Variants in TRARG1 observed in about 807,000 individuals in gnomAD.
The protein encoded by TRARG1 is trafficking regulator of GLUT4 1.
Under a neutral mutation model 13.3 loss-of-function variants are expected in TRARG1, and 16 were observed. That is an observed-to-expected ratio of 1.20 (90% CI 0.81 to 1.83). The LOEUF is 1.83. Ranked by LOEUF, TRARG1 falls within the 40% of genes most tolerant of loss-of-function variation. The pLI is 0.00. For missense variants in TRARG1, 250 were observed against 237.4 expected, an observed-to-expected ratio of 1.05 and a Z score of -0.35; for synonymous variants, 113 against 106.2, an observed-to-expected ratio of 1.06 and a Z score of -0.39.
chr17:1,280,247 C>T lies in TRARG1; in HGVS notation c.246C>T (p.Ser82=). Residue 82 remains serine, a synonymous_variant, in exon 1 of 3, where the codon AGC becomes AGT. Coordinates refer to ENST00000333813, the MANE Select transcript of TRARG1 (RefSeq NM_172367.3). ...APLPRSPSRA[S]SRRASSIATT... is the part of the protein sequence containing the mutation. ...TGCCTCGGTCCCCCTCCCGGGCCAG[C>T]TCAAGGAGGGCGTCCTCCATCGCCA... is the stretch of plus-strand genomic sequence containing the variant. The T allele has an allele frequency of 1.2e-6, 2 of 1,614,090 alleles. No homozygotes were observed. The highest frequency in any genetic ancestry group is 1.7e-6 in the Non-Finnish European group (2 of 1,179,990).
Position 1,279,869 on chromosome 17 carries a change from C to A in TRARG1, c.-133C>A. The A allele has an allele frequency of 9.4e-7, 1 of 1,063,014 alleles. No individual in the cohort carries two copies. The highest frequency in any genetic ancestry group is 2.6e-5 in the East Asian group (1 of 38,462). The allele number at this position is 1,063,014 out of a possible 1,614,324, so 65.8% of individuals were successfully genotyped here. On this transcript the variant is annotated 5_prime_UTR_variant, in exon 1 of 3. Coordinates refer to ENST00000333813, the MANE Select transcript of TRARG1 (RefSeq NM_172367.3). ...CCAACCCTTCCAGCACCCAGCCGGC[C>A]CTCCGTCTCCTGAGGGACGCCCCTG...
rs537608875 is a variant in TRARG1, at chr17:1,279,935, G to A, written c.-67G>A. 7.9e-5 allele frequency: 120 copies of A among 1,525,556 alleles called. No individual in the cohort carries two copies. The South Asian group carries it at 1.2e-3, about 16-fold the overall frequency. 94.5% of individuals were successfully genotyped at this position (1,525,556 alleles called of 1,614,324 possible). The stretch of plus-strand genomic sequence containing the variant: ...CCCTCAGTCTGGGCTGGGGAATGGC[G>A]CGCTGAGGTCCCTCCAGAGCCCCTT... On this transcript the variant is annotated 5_prime_UTR_variant, in exon 1 of 3. Coordinates refer to ENST00000333813, the MANE Select transcript of TRARG1 (RefSeq NM_172367.3).
At chr17:1,288,728 T>C (rs866576516) in intron 1 of TRARG1, among the ~76,000 whole-genome samples, 8 of 18,802 alleles carry the variant, frequency 4.3e-4, no homozygotes, top group African/African-American at 1.0e-3. Context: ...CCCCCACGGG[T>C]TCCCCATCCC....
At chr17:1,295,673 G>T in intron 2 of TRARG1, 50 bp downstream of exon 2, 1 of 1,579,252 alleles carries the variant, frequency 6.3e-7, no homozygotes, top group South Asian at 1.2e-5. Context: ...CTGGTGTGAG[G>T]ACTGCTCAAG....
At chr17:1,281,060 G>T (rs2071969428) in intron 1 of TRARG1, among the ~76,000 whole-genome samples, 1 of 152,224 alleles carries the variant, frequency 6.6e-6, no homozygotes, top group South Asian at 2.1e-4. Context: ...AGTGAAAAAT[G>T]TGAGAGTCAG....
rs564352759 is a variant in TRARG1 at position 1,283,563 on chromosome 17, T to C, written c.387+3175T>C. Among the ~76,000 whole-genome samples the C allele has an allele frequency of 2.6e-5, 4 of 152,174 alleles. No homozygotes were observed. The South Asian group carries it at 8.3e-4, about 32-fold the overall frequency. ...GGCTCATGCCTGTAATCCCAGCACT[T>C]TGGGAGGCCGAGGCGGGTGGATCTC... On this transcript the variant is annotated intron_variant, in intron 1 of 2. Transcript: ENST00000333813.
Position 1,282,074 on chromosome 17 carries a change from A to ATACACATATATACACATATG in TRARG1, c.387+1690_387+1691insCATATATACACATATGTACA, listed in dbSNP as rs1444529368. On this transcript the variant is annotated intron_variant, in intron 1 of 2. Coordinates refer to ENST00000333813, the MANE Select transcript of TRARG1 (RefSeq NM_172367.3). The stretch of plus-strand genomic sequence containing the variant: ...CACATATGTACATGTATACACATAT[A>ATACACATATATACACATATG]TACATATATGTACATATATACGTAT... 2.1e-4 allele frequency among the ~76,000 whole-genome samples: 31 copies of ATACACATATATACACATATG among 147,344 alleles called. No individual in the cohort carries two copies. The East Asian group carries it at 4.1e-3, about 20-fold the overall frequency.
Position 1,280,214 on chromosome 17 carries a change from G to T in TRARG1, c.213G>T (p.Glu71Asp), listed in dbSNP as rs2071962466. ...PFKAISEGHL[E>D]APLPRSPSRA... is the part of the protein sequence containing the mutation. ...AGGCCATCTCCGAGGGGCACCTGGAGGCCCCACTGCCTCGGTCCCCCTCCC... is the reference window on the plus strand; with the variant it reads ...AGGCCATCTCCGAGGGGCACCTGGATGCCCCACTGCCTCGGTCCCCCTCCC... The change falls in exon 1 of 3, where the codon GAG becomes GAT. Residue 71 changes from glutamate (E) to aspartate (D), a missense_variant. By Grantham distance (45) the Glu-to-Asp change is conservative. Transcript: ENST00000333813. 6.2e-7 allele frequency: 1 copy of T among 1,614,074 alleles called. No individual in the cohort carries two copies. Among genetic ancestry groups the T allele is most frequent in the Non-Finnish European group, 8.5e-7 (1 of 1,180,002 alleles).
At position 1,280,272 on chromosome 17, in the gene TRARG1, AC is replaced by A; in HGVS notation, c.273del (p.Thr92ProfsTer77). On this transcript the variant is annotated frameshift_variant, in exon 1 of 3. Coordinates refer to ENST00000333813, the MANE Select transcript of TRARG1 (RefSeq NM_172367.3). LOFTEE classifies it high-confidence loss of function. Reference sequence around the variant, plus strand: ...CTCAAGGAGGGCGTCCTCCATCGCCACCACCTCCTATGCCCAAGACCAAGAA... The same window carrying A: ...CTCAAGGAGGGCGTCCTCCATCGCCACACCTCCTATGCCCAAGACCAAGAA... The part of the protein sequence containing the change: ...ASSRRASSIA[T>X]TSYAQDQEAP... 6.2e-7 allele frequency: 1 copy of A among 1,613,964 alleles called. No individual in the cohort carries two copies. Among genetic ancestry groups the A allele is most frequent in the African/African-American group, 1.3e-5 (1 of 75,020 alleles).
chr17:1,282,147 CGTAT>C (rs2071981652), intron 1 of TRARG1, among the ~76,000 whole-genome samples: 1 of 139,244 alleles, frequency 7.2e-6, no homozygotes, highest in African/African-American at 3.2e-5. Context: ...CATATATGTA[CGTAT>C]ACACGTGCAT....
At chr17:1,290,856 C>A (rs1466256557) in intron 1 of TRARG1, among the ~76,000 whole-genome samples, 2 of 151,794 alleles carry the variant, frequency 1.3e-5, no homozygotes, top group East Asian at 3.9e-4. Flanking sequence ...TGGTTACCCC[C>A]ACGCTGCTGC....
chr17:1,284,067 A>G (rs1410869016), intron 1 of TRARG1, among the ~76,000 whole-genome samples: 1 of 151,856 alleles, frequency 6.6e-6, no homozygotes, highest in Non-Finnish European at 1.5e-5. Context: ...GTGAGCTGAG[A>G]TGGTGCCACT....
At chr17:1,281,465 ACT>A (rs1048336964) in intron 1 of TRARG1, among the ~76,000 whole-genome samples, 9 of 152,098 alleles carry the variant, frequency 5.9e-5, no homozygotes, top group African/African-American at 2.2e-4. Context: ...TCTTCAAACC[ACT>A]CTGTCTACCT....
At chr17:1,281,995 TACAGATATAC>T (rs2071976991) in intron 1 of TRARG1, among the ~76,000 whole-genome samples, 1 of 151,400 alleles carries the variant, frequency 6.6e-6, no homozygotes, top group African/African-American at 2.4e-5. Context: ...TGTACATATA[TACAGATATAC>T]ACATATGTAC....
chr17:1,291,821 A>T (rs1034013768), intron 1 of TRARG1, among the ~76,000 whole-genome samples: 5 of 152,222 alleles, frequency 3.3e-5, no homozygotes, highest in Admixed American at 3.3e-4. Context: ...TTGGAGAAAC[A>T]GCCAGAATAA....
At chr17:1,288,076 C>T (rs925160185) in intron 1 of TRARG1, among the ~76,000 whole-genome samples, 1 of 152,032 alleles carries the variant, frequency 6.6e-6, no homozygotes, top group Admixed American at 6.5e-5. Context: ...CATCACTCCT[C>T]AGTCTCATCC....
intron 1 of TRARG1, among the ~76,000 whole-genome samples, chr17:1,282,679 T>C (rs2071992351): frequency 6.7e-6 from 1 of 149,856 alleles, no homozygotes; most frequent in Non-Finnish European, 1.5e-5. Flanking sequence ...TGTTTCTATA[T>C]TCTTTAAAGG....
chr17:1,288,054 C>T (rs2072036171), intron 1 of TRARG1, among the ~76,000 whole-genome samples: 1 of 152,016 alleles, frequency 6.6e-6, no homozygotes, highest in Non-Finnish European at 1.5e-5. Flanking sequence ...TGCCCGGGGA[C>T]ATCATGGCAC....
chr17:1,289,780 G>A (rs2072057379), intron 1 of TRARG1, among the ~76,000 whole-genome samples: 5 of 152,088 alleles, frequency 3.3e-5, no homozygotes, highest in Non-Finnish European at 2.9e-5. Flanking sequence ...TGCTGGGACC[G>A]GTTTATCCAA....
Sources: allele counts gnomAD v4.1 joint callset (sites outside exome capture counted in the v4.1 genomes callset), GRCh38; gene constraint gnomAD v4.1.1; transcripts MANE v1.5; gene names NCBI Gene and HGNC (gene_info 2026-07-23, HGNC 2026-07-21).